RSPO2: variants seen among roughly 807,000 people sequenced by gnomAD.
The protein encoded by RSPO2 is R-spondin-2.
In RSPO2, 14 loss-of-function variants were observed where a neutral mutation model predicts 30.9. That is an observed-to-expected ratio of 0.45 (90% confidence interval 0.30 to 0.71). The LOEUF (loss-of-function observed/expected upper bound fraction) is 0.71. Ranked by LOEUF, RSPO2 falls within the 30% of genes least tolerant of loss-of-function variation. The probability of loss-of-function intolerance (pLI) is 0.08; values close to 1 mark genes in which losing one functional copy is unlikely to be tolerated. For missense variants in RSPO2, 264 were observed against 301.9 expected, an observed-to-expected ratio of 0.87 and a Z score of 0.93; for synonymous variants, 107 against 96.4, an observed-to-expected ratio of 1.11 and a Z score of -0.64.
intron 5 of RSPO2, among the ~76,000 whole-genome samples, chr8:107,929,832 C>T (rs908133743): frequency 1.3e-5 from 2 of 152,086 alleles, no homozygotes; most frequent in Non-Finnish European, 2.9e-5. Flanking sequence ...AAAGCAATTC[C>T]GTCTGTATTT....
At chr8:108,028,065 G>A (rs201090663) in intron 2 of RSPO2, among the ~76,000 whole-genome samples, 2 of 152,104 alleles carry the variant, frequency 1.3e-5, no homozygotes, top group Non-Finnish European at 2.9e-5. Flanking sequence ...TTAGGCTGAC[G>A]CTCAAGAGAC....
intron 2 of RSPO2, among the ~76,000 whole-genome samples, chr8:108,081,313 T>C (rs1244694906): frequency 6.6e-6 from 1 of 152,094 alleles, no homozygotes; most frequent in Non-Finnish European, 1.5e-5. Flanking sequence ...GTTCGGAAAG[T>C]CCTCCTCAAA....
intron 2 of RSPO2, among the ~76,000 whole-genome samples, chr8:108,055,478 T>G (rs1475069056): frequency 2.0e-5 from 3 of 152,108 alleles, no homozygotes; most frequent in Non-Finnish European, 2.9e-5. Context: ...TTGGCTGTCC[T>G]AAGGAGAATG....
chr8:107,970,407 C>A (rs1197798546), intron 3 of RSPO2, among the ~76,000 whole-genome samples: 1 of 152,084 alleles, frequency 6.6e-6, no homozygotes. Flanking sequence ...AGTTTGCTGA[C>A]CCCTAGGCTA....
At chr8:107,905,947 T>C (rs1811626569) in intron 5 of RSPO2, among the ~76,000 whole-genome samples, 1 of 151,986 alleles carries the variant, frequency 6.6e-6, no homozygotes, top group African/African-American at 2.4e-5. Flanking sequence ...TAAAAATAGC[T>C]AATAAATATA....
At chr8:107,941,907 T>C (rs1338304880) in intron 5 of RSPO2, among the ~76,000 whole-genome samples, 1 of 152,098 alleles carries the variant, frequency 6.6e-6, no homozygotes, top group Non-Finnish European at 1.5e-5. Flanking sequence ...GAAAGTCTCA[T>C]GATTGTGCAG....
chr8:108,074,006 CTT>C (rs1470500808), intron 2 of RSPO2, among the ~76,000 whole-genome samples: 1 of 152,188 alleles, frequency 6.6e-6, no homozygotes, highest in African/African-American at 2.4e-5. Context: ...ACTTGGACCT[CTT>C]TGAGACTTTA....
intron 2 of RSPO2, among the ~76,000 whole-genome samples, chr8:108,041,093 T>C (rs1271635238): frequency 6.6e-6 from 1 of 151,356 alleles, no homozygotes; most frequent in Non-Finnish European, 1.5e-5. Flanking sequence ...GCGGGGCTTG[T>C]CTAGAGAGAT....
At chr8:107,929,196 C>G (rs1812476061) in intron 5 of RSPO2, among the ~76,000 whole-genome samples, 1 of 152,190 alleles carries the variant, frequency 6.6e-6, no homozygotes, top group Non-Finnish European at 1.5e-5. Flanking sequence ...CTGACTTAAA[C>G]AGCTTTGCAA....
intron 5 of RSPO2, among the ~76,000 whole-genome samples, chr8:107,908,494 G>GA (rs1330047976): frequency 2.6e-5 from 4 of 152,124 alleles, no homozygotes; most frequent in Non-Finnish European, 5.9e-5. Flanking sequence ...CTATTTGTGT[G>GA]AAAAAATAAA....
chr8:107,983,632 A>G (rs1814525570), intron 3 of RSPO2: 1 of 1,596,988 alleles, frequency 6.3e-7, no homozygotes, highest in African/African-American at 1.3e-5. Flanking sequence ...GGAGCAGGCA[A>G]CCAAAATTGC....
intron 2 of RSPO2, among the ~76,000 whole-genome samples, chr8:108,008,131 C>T (rs1453372750): frequency 6.6e-6 from 1 of 152,076 alleles, no homozygotes; most frequent in East Asian, 1.9e-4. Flanking sequence ...CAGTTCATCG[C>T]CTTGGTATAT....
chr8:108,079,640 C>T lies in RSPO2; in HGVS notation c.94+2905G>A, dbSNP rs117809525. Among the ~76,000 whole-genome samples, 137 of 150,666 alleles carry T rather than the reference C, an allele frequency of 9.1e-4. 3 individuals carry two copies. In the East Asian group the frequency reaches 0.026, roughly 29 times the overall value. ...TCATAGAGCAGACTAAACATAATGC[C>T]AAAGGAGTTCGGAGAATGCTCCACA... is the stretch of plus-strand genomic sequence containing the variant. On this transcript the variant is annotated intron_variant, in intron 2 of 5. Coordinates refer to ENST00000276659, the MANE Select transcript of RSPO2 (RefSeq NM_178565.5).
chr8:107,957,179 G>C (rs926865239), intron 5 of RSPO2, among the ~76,000 whole-genome samples: 3 of 152,160 alleles, frequency 2.0e-5, no homozygotes, highest in African/African-American at 7.2e-5. Context: ...TCTGGGCTAT[G>C]GTCATAAAGC....
At chr8:107,983,588 G>T (rs1814523443) in intron 3 of RSPO2, 8 of 1,598,072 alleles carry the variant, frequency 5.0e-6, no homozygotes, top group Non-Finnish European at 6.9e-6. Context: ...TGTATTGGAA[G>T]TAAAGCCCCA....
intron 3 of RSPO2, among the ~76,000 whole-genome samples, chr8:107,977,640 T>C (rs543299739): frequency 6.6e-6 from 1 of 152,252 alleles, no homozygotes; most frequent in East Asian, 1.9e-4. Context: ...AAAAAAACTA[T>C]ACAAATTTGT....
chr8:107,995,517 A>T (rs577511886), intron 2 of RSPO2, among the ~76,000 whole-genome samples: 2 of 152,218 alleles, frequency 1.3e-5, no homozygotes, highest in East Asian at 3.9e-4. Flanking sequence ...TCACCGTCAC[A>T]TTTCTTCAAA....
At chr8:107,932,632 G>GA (rs914718883) in intron 5 of RSPO2, among the ~76,000 whole-genome samples, 3 of 151,994 alleles carry the variant, frequency 2.0e-5, no homozygotes, top group Non-Finnish European at 4.4e-5. Context: ...AGCCTTAAAA[G>GA]AAAAAAGTTT....
At chr8:108,033,601 T>C (rs1281615966) in intron 2 of RSPO2, among the ~76,000 whole-genome samples, 1 of 152,238 alleles carries the variant, frequency 6.6e-6, no homozygotes, top group Non-Finnish European at 1.5e-5. Context: ...TTTTCAAAAG[T>C]AGACCTCTTT....
Sources: allele counts gnomAD v4.1 joint callset (sites outside exome capture counted in the v4.1 genomes callset), GRCh38; gene constraint gnomAD v4.1.1; transcripts MANE v1.5; gene names NCBI Gene and HGNC (gene_info 2026-07-23, HGNC 2026-07-21).